Variants in CCDC178 observed in about 807,000 individuals in gnomAD.
CCDC178 encodes coiled-coil domain-containing protein 178.
CCDC178 carries 126 observed loss-of-function variants against 117.4 expected under a neutral mutation model. The observed-to-expected ratio is 1.07, with a 90% CI of 0.93 to 1.24. CCDC178 has a LOEUF of 1.24. Among genes scored for constraint, CCDC178 ranks in the 50% most tolerant of loss-of-function variants. CCDC178 has a pLI of 0.00. For missense variants in CCDC178, 1,030 were observed against 986.9 expected, an observed-to-expected ratio of 1.04 and a Z score of -0.59; for synonymous variants, 283 against 313.4, an observed-to-expected ratio of 0.90 and a Z score of 1.02.
chr18:33,281,350 AAAAT>A (rs2060023710), intron 12 of CCDC178, among the ~76,000 whole-genome samples: 1 of 152,168 alleles, frequency 6.6e-6, no homozygotes, highest in African/African-American at 2.4e-5. Context: ...TTTATCTTAA[AAAAT>A]AAATAATTTA....
chr18:33,091,082 TC>T lies in CCDC178; in HGVS notation c.2388+1678del, dbSNP rs368925608. 7.0e-4 allele frequency among the ~76,000 whole-genome samples: 107 copies of T among 151,812 alleles called. 1 individual carries two copies. The East Asian group carries it at 0.014, about 20-fold the overall frequency. On this transcript the variant is annotated intron_variant, in intron 21 of 22. Coordinates refer to ENST00000383096, the MANE Select transcript of CCDC178 (RefSeq NM_001105528.4). ...AACTGCACATATAATTTATTTTTGCTCCCCCCCGATTAGAAAAGGAAATACA... is the reference window on the plus strand; with the variant it reads ...AACTGCACATATAATTTATTTTTGCTCCCCCCGATTAGAAAAGGAAATACA...
chr18:33,011,662 C>T (rs4500823), intron 21 of CCDC178, among the ~76,000 whole-genome samples: 14,368 of 150,470 alleles, frequency 0.095, 1,007 homozygotes, highest in African/African-American at 0.19. Flanking sequence ...TGTTACTGCA[C>T]GTAAACTCTG....
At chr18:33,333,131 CTAAG>C (rs763422583) in intron 10 of CCDC178, 39 bp downstream of exon 10, 1 of 1,206,310 alleles carries the variant, frequency 8.3e-7, no homozygotes. Context: ...TTTTGCATAA[CTAAG>C]TAATAATTTA....
At chr18:33,402,636 G>T (rs529980710) in intron 3 of CCDC178, among the ~76,000 whole-genome samples, 2 of 152,354 alleles carry the variant, frequency 1.3e-5, no homozygotes, top group African/African-American at 4.8e-5. Flanking sequence ...CTCTTCTAGA[G>T]ATATCTTACA....
At chr18:33,213,805 T>C (rs1413678269) in intron 19 of CCDC178, among the ~76,000 whole-genome samples, 1 of 152,006 alleles carries the variant, frequency 6.6e-6, no homozygotes, top group East Asian at 1.9e-4. Flanking sequence ...GGGTCAAGGA[T>C]GGCTTTGATT....
intron 21 of CCDC178, among the ~76,000 whole-genome samples, chr18:33,004,028 C>A (rs536158099): frequency 2.0e-5 from 3 of 151,794 alleles, no homozygotes; most frequent in Admixed American, 6.6e-5. Context: ...TTGAAAAGGA[C>A]ACAAAAAAAT....
chr18:33,196,972 A>C (rs1396398358), intron 20 of CCDC178, among the ~76,000 whole-genome samples: 1 of 152,120 alleles, frequency 6.6e-6, no homozygotes, highest in Admixed American at 6.5e-5. Flanking sequence ...ACTTGATCAC[A>C]AAGTTTTGGG....
intron 10 of CCDC178, among the ~76,000 whole-genome samples, chr18:33,332,622 C>T (rs760405698): frequency 6.6e-6 from 1 of 152,110 alleles, no homozygotes; most frequent in Non-Finnish European, 1.5e-5. Flanking sequence ...GTCATCCAGG[C>T]TGGATTGCAG....
chr18:32,939,775 G>A (rs762149754), intron 22 of CCDC178, among the ~76,000 whole-genome samples: 2 of 152,104 alleles, frequency 1.3e-5, no homozygotes, highest in Non-Finnish European at 2.9e-5. Flanking sequence ...GCATCCATGA[G>A]TTCCGGCTTC....
At chr18:32,987,326 G>C (rs552786779) in intron 21 of CCDC178, among the ~76,000 whole-genome samples, 1 of 152,054 alleles carries the variant, frequency 6.6e-6, no homozygotes, top group Non-Finnish European at 1.5e-5. Flanking sequence ...GCATATACTA[G>C]CACAATGAAA....
chr18:33,426,393 A>G (rs992962944), intron 2 of CCDC178, among the ~76,000 whole-genome samples: 1 of 152,228 alleles, frequency 6.6e-6, no homozygotes, highest in Non-Finnish European at 1.5e-5. Context: ...GAATCCATCA[A>G]TTTGACCAGA....
rs1347240478 is a variant in CCDC178, at chr18:33,121,166, TATC to T, written c.2239-28259_2239-28257del. Among the ~76,000 whole-genome samples, 3 of 152,248 alleles carry T rather than the reference TATC, an allele frequency of 2.0e-5. No homozygotes were observed. The East Asian group carries it at 5.8e-4, about 29-fold the overall frequency. ...TAAATTCACTTTAAGTAAAAGAAAT[TATC>T]ATAGATAAACTGGATGAGTCTGATT... is the stretch of plus-strand genomic sequence containing the variant. On this transcript the variant is annotated intron_variant, in intron 20 of 22. Transcript: ENST00000383096.
intron 20 of CCDC178, among the ~76,000 whole-genome samples, chr18:33,137,730 C>T (rs2058146787): frequency 6.6e-6 from 1 of 152,176 alleles, no homozygotes; most frequent in African/African-American, 2.4e-5. Context: ...TTCTGCATCC[C>T]TGTTTATACA....
intron 21 of CCDC178, among the ~76,000 whole-genome samples, chr18:33,053,413 G>A (rs989255912): frequency 6.6e-6 from 1 of 152,128 alleles, no homozygotes; most frequent in African/African-American, 2.4e-5. Flanking sequence ...GGAAAAAAAC[G>A]GATTGAAATG....
At chr18:33,232,306 G>A (rs1024103602) in intron 15 of CCDC178, among the ~76,000 whole-genome samples, 5 of 152,060 alleles carry the variant, frequency 3.3e-5, no homozygotes, top group African/African-American at 9.7e-5. Flanking sequence ...TACTGAGTCC[G>A]GAAACCCACA....
At chr18:33,258,985 T>C (rs1387824663) in intron 14 of CCDC178, among the ~76,000 whole-genome samples, 1 of 152,032 alleles carries the variant, frequency 6.6e-6, no homozygotes, top group Non-Finnish European at 1.5e-5. Context: ...ATAACGTACA[T>C]CAACAATGTT....
At chr18:33,165,194 G>A (rs1379152450) in intron 20 of CCDC178, among the ~76,000 whole-genome samples, 4 of 151,474 alleles carry the variant, frequency 2.6e-5, no homozygotes, top group Admixed American at 2.0e-4. Context: ...CAAAAACAAA[G>A]ACAAAAAAAA....
chr18:33,034,264 A>C (rs1381624255), intron 21 of CCDC178, among the ~76,000 whole-genome samples: 4 of 151,886 alleles, frequency 2.6e-5, no homozygotes, highest in South Asian at 2.1e-4. Context: ...AAACATTGCA[A>C]ATCTTCCAAA....
rs142215512 is a variant in CCDC178, at chr18:33,009,572, T to G, written c.2389-34891A>C. 6.6e-3 allele frequency among the ~76,000 whole-genome samples: 1,003 copies of G among 152,130 alleles called. 14 individuals are homozygous for G. Among genetic ancestry groups the G allele is most frequent in the African/African-American group, 0.022 (929 of 41,538 alleles). ...ATATTTTTATTAAAACTACTCCTTC[T>G]CAGCTAATACTTCTCTTCCCATCCT... is the stretch of plus-strand genomic sequence containing the variant. On this transcript the variant is annotated intron_variant, in intron 21 of 22. Coordinates refer to ENST00000383096, the MANE Select transcript of CCDC178 (RefSeq NM_001105528.4).
Sources: allele counts gnomAD v4.1 joint callset (sites outside exome capture counted in the v4.1 genomes callset), GRCh38; gene constraint gnomAD v4.1.1; transcripts MANE v1.5; gene names NCBI Gene and HGNC (gene_info 2026-07-23, HGNC 2026-07-21).